Variants in P3H2 observed in about 807,000 individuals in gnomAD.
The protein encoded by P3H2 is leprecan-like 1.
P3H2 carries 80 observed loss-of-function variants against 87.0 expected under a neutral mutation model. That is an observed-to-expected ratio of 0.92 (90% CI 0.77 to 1.11). P3H2 has a LOEUF of 1.11. Among genes scored for constraint, P3H2 ranks in the 50% least tolerant of loss-of-function variants. The pLI, the probability that P3H2 is intolerant of heterozygous loss-of-function variation, is 0.00. For synonymous variants in P3H2, 367 were observed against 359.3 expected (o/e 1.02, Z -0.24); for missense variants, 1,001 against 923.9 (o/e 1.08, Z -1.08).
chr3:190,104,330 C>A (rs1711748343), intron 1 of P3H2, among the ~76,000 whole-genome samples: 1 of 152,100 alleles, frequency 6.6e-6, no homozygotes, highest in African/African-American at 2.4e-5. Context: ...GTCAGCTGGT[C>A]CGAGACAGCA....
At position 189,957,509 on chromosome 3, in the gene P3H2, T is replaced by C. The variant is rs1722673488; in HGVS notation, c.*403A>G. On this transcript the variant is annotated 3_prime_UTR_variant, in exon 15 of 15. Coordinates refer to ENST00000319332, the MANE Select transcript of P3H2 (RefSeq NM_018192.4). ...GGGGAGGAGGTGAACTGGGCTTTGA[T>C]AGATACATGAAATGATGAAAAACCA... 5.2e-6 allele frequency: 2 copies of C among 383,770 alleles called. No individual in the cohort carries two copies. The highest frequency in any genetic ancestry group is 4.3e-5 in the Admixed American group (1 of 23,264). 23.8% of individuals were successfully genotyped at this position (383,770 alleles called of 1,614,324 possible).
In P3H2 at chr3:189,957,542, G is replaced by C. The variant is rs1346520473; in HGVS notation, c.*370C>G. 5.1e-6 allele frequency: 2 copies of C among 395,144 alleles called. No individual in the cohort carries two copies. The highest frequency in any genetic ancestry group is 9.0e-6 in the Non-Finnish European group (2 of 221,694). 24.5% of individuals were successfully genotyped at this position (395,144 alleles called of 1,614,324 possible). ...TGAAATGATGAAAAACCAAGAAAGA[G>C]AGCTGGGTGTGGTGGCACGTGCCTG... On this transcript the variant is annotated 3_prime_UTR_variant, in exon 15 of 15. Coordinates refer to ENST00000319332, the MANE Select transcript of P3H2 (RefSeq NM_018192.4).
chr3:190,042,978 C>T (rs1427217399), intron 1 of P3H2, among the ~76,000 whole-genome samples: 3 of 152,050 alleles, frequency 2.0e-5, no homozygotes, highest in Non-Finnish European at 2.9e-5. Flanking sequence ...TAGAAATGGT[C>T]GTTAATTTTT....
chr3:189,970,746 A>G (rs1182892149), intron 13 of P3H2, 70 bp downstream of exon 13: 2 of 876,084 alleles, frequency 2.3e-6, no homozygotes, highest in African/African-American at 3.3e-5. Flanking sequence ...AACCATCTGT[A>G]AGTACTTAGA....
At chr3:190,031,425 G>C (rs1200820585) in intron 1 of P3H2, among the ~76,000 whole-genome samples, 1 of 87,048 alleles carries the variant, frequency 1.1e-5, no homozygotes, top group Non-Finnish European at 2.3e-5. Context: ...ATCACCTGAG[G>C]TCAGGAGTTC....
intron 1 of P3H2, among the ~76,000 whole-genome samples, chr3:190,026,075 T>C (rs983716795): frequency 6.6e-6 from 1 of 152,184 alleles, no homozygotes; most frequent in Non-Finnish European, 1.5e-5. Flanking sequence ...GGAGGTTCTG[T>C]TAGTCAGTTT....
At chr3:190,039,247 A>G (rs1178527209) in intron 1 of P3H2, among the ~76,000 whole-genome samples, 1 of 152,134 alleles carries the variant, frequency 6.6e-6, no homozygotes, top group Non-Finnish European at 1.5e-5. Context: ...TATGGAGCAT[A>G]TGATTGTTGA....
intron 1 of P3H2, among the ~76,000 whole-genome samples, chr3:190,038,516 A>G (rs1577288803): frequency 6.6e-6 from 1 of 150,946 alleles, no homozygotes. Context: ...AAAAAGTGAA[A>G]CCCAAACAGG....
intron 1 of P3H2, among the ~76,000 whole-genome samples, chr3:190,051,835 G>C (rs1725993366): frequency 6.6e-6 from 1 of 152,174 alleles, no homozygotes; most frequent in African/African-American, 2.4e-5. Flanking sequence ...AGCCAAGGGA[G>C]GCATTTCAGC....
At chr3:189,995,028 A>G (rs1724006338) in intron 2 of P3H2, among the ~76,000 whole-genome samples, 1 of 151,826 alleles carries the variant, frequency 6.6e-6, no homozygotes, top group Non-Finnish European at 1.5e-5. Flanking sequence ...TTCTAAGTTA[A>G]TTTTTATTTT....
chr3:190,121,304 T>C (rs186950230), upstream of P3H2, among the ~76,000 whole-genome samples: 7 of 150,794 alleles, frequency 4.6e-5, no homozygotes, highest in African/African-American at 1.7e-4. Context: ...GCAACAAATC[T>C]GCGCATTCTG....
chr3:190,075,486 A>C (rs1386181511), intron 1 of P3H2, among the ~76,000 whole-genome samples: 1 of 83,382 alleles, frequency 1.2e-5, no homozygotes, highest in Non-Finnish European at 2.4e-5. Context: ...ACTCCGTCTC[A>C]AAAAAAAAAA....
intron 11 of P3H2, 118 bp downstream of exon 11, chr3:189,972,756 T>G: frequency 8.7e-7 from 1 of 1,147,414 alleles, no homozygotes; most frequent in Non-Finnish European, 1.3e-6. Context: ...ACTTTTGTTT[T>G]GGAAATCTAG....
chr3:190,077,776 A>C (rs1726917150), intron 1 of P3H2, among the ~76,000 whole-genome samples: 1 of 152,216 alleles, frequency 6.6e-6, no homozygotes, highest in South Asian at 2.1e-4. Context: ...TTAGGAAGAG[A>C]TGCAACTACG....
At position 189,957,240 on chromosome 3, in the gene P3H2, T is replaced by G. The variant is rs527855849; in HGVS notation, c.*672A>C. ...CAGCGTGGACTCTGCCAGGGGCTCC[T>G]CAGACCCAAAGTGGAGCTCACTTTG... On this transcript the variant is annotated 3_prime_UTR_variant, in exon 15 of 15. Coordinates refer to ENST00000319332, the MANE Select transcript of P3H2 (RefSeq NM_018192.4). 8.5e-4 allele frequency: 338 copies of G among 399,304 alleles called. No homozygotes were observed. The highest frequency in any genetic ancestry group is 1.2e-3 in the Non-Finnish European group (277 of 226,790). 24.7% of individuals were successfully genotyped at this position (399,304 alleles called of 1,614,324 possible).
chr3:190,112,119 G>C (rs1712091790), intron 1 of P3H2, among the ~76,000 whole-genome samples: 5 of 152,220 alleles, frequency 3.3e-5, no homozygotes, highest in Admixed American at 3.3e-4. Flanking sequence ...TCATTGATGG[G>C]AGGAACCCTG....
intron 1 of P3H2, among the ~76,000 whole-genome samples, chr3:190,040,684 CA>C (rs1348498425): frequency 1.3e-5 from 2 of 152,138 alleles, no homozygotes; most frequent in South Asian, 2.1e-4. Context: ...TGACTTAAGA[CA>C]AACTGCATCA....
chr3:189,991,693 G>A (rs1723882201), intron 3 of P3H2, among the ~76,000 whole-genome samples: 1 of 152,226 alleles, frequency 6.6e-6, no homozygotes, highest in South Asian at 2.1e-4. Flanking sequence ...AAAAGCAGGA[G>A]AGAGAGTGAG....
chr3:189,959,491 T>G (rs1258741738), intron 14 of P3H2, among the ~76,000 whole-genome samples: 35 of 146,800 alleles, frequency 2.4e-4, no homozygotes, highest in Non-Finnish European at 2.2e-4. Flanking sequence ...CACCTATGAG[T>G]GAGAATATGT....
Sources: allele counts gnomAD v4.1 joint callset (sites outside exome capture counted in the v4.1 genomes callset), GRCh38; gene constraint gnomAD v4.1.1; transcripts MANE v1.5; gene names NCBI Gene and HGNC (gene_info 2026-07-23, HGNC 2026-07-21).